PTBP1: variants seen among roughly 807,000 people sequenced by gnomAD.
The protein encoded by PTBP1 is polypyrimidine tract binding protein 1, also known as polypyrimidine tract-binding protein 1.
In PTBP1, 8 loss-of-function variants were observed where a neutral mutation model predicts 59.8. The ratio of observed to expected loss-of-function variants is 0.13; its 90% CI spans 0.08 to 0.24. The LOEUF (loss-of-function observed/expected upper bound fraction) is 0.24, where lower values mean the gene tolerates loss of function less well. PTBP1 is among the 10% of genes least tolerant of loss of function. The pLI, the probability that PTBP1 is intolerant of heterozygous loss-of-function variation, is 1.00. For synonymous variants in PTBP1, 490 were observed against 320.7 expected, an observed-to-expected ratio of 1.53 and a Z score of -5.64; for missense variants, 686 against 767.0, an observed-to-expected ratio of 0.89 and a Z score of 1.25.
chr19:807,844 C>T, intron 10 of PTBP1, 25 bp from the exon 11 acceptor site: 3 of 1,611,658 alleles, frequency 1.9e-6, no homozygotes, highest in Non-Finnish European at 2.5e-6. Flanking sequence ...TGTCCCTCCG[C>T]TGCCTTGCTC....
At position 805,187 on chromosome 19, in the gene PTBP1, G is replaced by A. The variant is rs749689496; in HGVS notation, c.892G>A (p.Gly298Ser). 5.0e-6 allele frequency: 8 copies of A among 1,612,964 alleles called. No individual in the cohort carries two copies. The highest frequency in any genetic ancestry group is 2.2e-5 in the East Asian group (1 of 44,880). ...GGACCAGACCATGGCCGCGGCCTTC[G>A]GTAAGAGGCTGCCCGACGCGGCGCC... ...SLDQTMAAAF[G>S]APGIISASPY... Residue 298 changes from glycine (G) to serine (S), a missense_variant and splice_region_variant, in exon 8 of 15, where the codon GGT (glycine) becomes AGT (serine). Gly to Ser is a moderately conservative substitution (Grantham distance 56). Transcript: ENST00000356948.
In PTBP1 at chr19:804,293, C is replaced by A; in HGVS notation, c.290C>A (p.Ala97Asp). 6.2e-7 allele frequency: 1 copy of A among 1,613,670 alleles called. No homozygotes were observed. Among genetic ancestry groups the A allele is most frequent in the Non-Finnish European group, 8.5e-7 (1 of 1,179,894 alleles). The change falls in exon 5 of 15, where the codon GCC becomes GAC. Residue 97 changes from alanine to aspartate, a missense_variant and splice_region_variant. Physicochemically the swap from Ala to Asp is moderately radical, Grantham distance 126. Coordinates refer to ENST00000356948, the MANE Select transcript of PTBP1 (RefSeq NM_002819.5). ...NLLMLKGKNQAFIEMNTEEAA... is the reference protein window; with the variant it reads ...NLLMLKGKNQDFIEMNTEEAA... ...CAGCGCTCACTGCCTCCCCAACAGG[C>A]CTTCATCGAGATGAACACGGAGGAG...
chr19:805,672 G>A (rs1352402307), intron 9 of PTBP1, 103 bp downstream of exon 9: 19 of 992,492 alleles, frequency 1.9e-5, no homozygotes, highest in Non-Finnish European at 2.6e-5. Context: ...CTGGGCACTC[G>A]AGTGCCAGGT....
At chr19:797,526 C>A in intron 1 of PTBP1, 21 bp downstream of exon 1, 1 of 1,495,242 alleles carries the variant, frequency 6.7e-7, no homozygotes, top group Non-Finnish European at 8.9e-7. Context: ...CGTCGCCCCG[C>A]GCCCCACCGC....
Position 805,079 on chromosome 19 carries a change from A to C in PTBP1, c.784A>C (p.Ser262Arg), listed in dbSNP as rs753471794. ...TLRIDFSKLT[S>R]LNVKYNNDKS... The stretch of plus-strand genomic sequence containing the variant: ...GCGCATCGACTTTTCCAAGCTCACC[A>C]GCCTCAACGTCAAGTACAACAATGA... The change falls in exon 8 of 15, where the codon AGC becomes CGC. Residue 262 changes from serine to arginine, a missense_variant. Ser to Arg is a moderately radical substitution (Grantham distance 110, BLOSUM62 -1). Transcript: ENST00000356948. The C allele has an allele frequency of 4.3e-6, 7 of 1,613,894 alleles. No homozygotes were observed. The highest frequency in any genetic ancestry group is 5.9e-6 in the Non-Finnish European group (7 of 1,179,870).
chr19:808,099 T>C lies in PTBP1; in HGVS notation c.1153+197T>C. The C allele has an allele frequency of 1.5e-6, 1 of 646,932 alleles. No homozygotes were observed. The highest frequency in any genetic ancestry group is 2.6e-4 in the Middle Eastern group (1 of 3,886). The allele number at this position is 646,932 out of a possible 1,614,324, so 40.1% of individuals were successfully genotyped here. A position where few individuals can be genotyped will look rare whatever the true frequency, so the allele number is the denominator to read the frequency against. ...GCATGGTTTATCGCCCTGCATGCTTTTCAGAGTTAGACCTGTCGGTGGCAT... is the reference window on the plus strand; with the variant it reads ...GCATGGTTTATCGCCCTGCATGCTTCTCAGAGTTAGACCTGTCGGTGGCAT... On this transcript the variant is annotated intron_variant, in intron 11 of 14. Coordinates refer to ENST00000356948, the MANE Select transcript of PTBP1 (RefSeq NM_002819.5). The surrounding 1 kb of genome is among the most constrained non-coding windows in gnomAD (Gnocchi z 4.7).
At chr19:802,596 T>C (rs1348406989) in intron 2 of PTBP1, among the ~76,000 whole-genome samples, 1 of 152,064 alleles carries the variant, frequency 6.6e-6, no homozygotes, top group Admixed American at 6.6e-5. Context: ...GGCCCTGTCC[T>C]GGGGGGCCTG....
In PTBP1 at chr19:805,566, G is replaced by C. The variant is rs1344275990; in HGVS notation, c.967G>C (p.Ala323Pro). ...FPPTFAIPQA[A>P]GLSVPNVHGA... ...TCCCACCTTTGCCATTCCTCAAGCT[G>C]CAGGTATTCAAACGCTTGGTCTTGG... is the stretch of plus-strand genomic sequence containing the variant. The change falls in exon 9 of 15, where the codon GCA becomes CCA. Residue 323 changes from alanine (A) to proline (P), a missense_variant. Transcript: ENST00000356948. 5.0e-6 allele frequency: 8 copies of C among 1,613,244 alleles called. No individual in the cohort carries two copies. In the Middle Eastern group the frequency reaches 4.9e-4, roughly 100 times the overall value.
intron 3 of PTBP1, 60 bp downstream of exon 3, chr19:803,696 A>G (rs776904036): frequency 6.9e-6 from 10 of 1,448,396 alleles, no homozygotes; most frequent in Non-Finnish European, 9.7e-6. Context: ...GAACAACGTT[A>G]CGTTCTTGTT....
rs377395434 is a variant in PTBP1 at position 804,266 on chromosome 19, C to T, written c.289-26C>T. 159 of 1,612,692 alleles carry T rather than the reference C, an allele frequency of 9.9e-5. No individual in the cohort carries two copies. The African/African-American group carries it at 1.6e-3, about 17-fold the overall frequency. On this transcript the variant is annotated intron_variant, in intron 4 of 14. Coordinates refer to ENST00000356948, the MANE Select transcript of PTBP1 (RefSeq NM_002819.5). ...ACCGTGCAGGCGGGGACGAGGAGGG[C>T]CCAGCGCTCACTGCCTCCCCAACAG... is the stretch of plus-strand genomic sequence containing the variant.
At chr19:800,836 T>G (rs1332894402) in intron 2 of PTBP1, among the ~76,000 whole-genome samples, 1 of 152,142 alleles carries the variant, frequency 6.6e-6, no homozygotes, top group African/African-American at 2.4e-5. Context: ...TCAGCTTCCA[T>G]CGGGTGGTCC....
chr19:799,397 T>G lies in PTBP1; in HGVS notation c.9-16T>G, dbSNP rs1040492772. ...GGCCACCAGGCTAACGTTGTCTCCT[T>G]TCTTTCTCTCTACAGCATTGTCCCA... On this transcript the variant is annotated splice_polypyrimidine_tract_variant and intron_variant, in intron 1 of 14. Coordinates refer to ENST00000356948, the MANE Select transcript of PTBP1 (RefSeq NM_002819.5). The G allele has an allele frequency of 1.9e-6, 3 of 1,613,564 alleles. No individual in the cohort carries two copies. The highest frequency in any genetic ancestry group is 2.7e-5 in the African/African-American group (2 of 74,944).
chr19:803,968 A>C (rs969579692), intron 3 of PTBP1, 68 bp from the exon 4 acceptor site: 2 of 1,578,688 alleles, frequency 1.3e-6, no homozygotes, highest in Non-Finnish European at 1.7e-6. Flanking sequence ...CTCTAGGGGG[A>C]TAGCAGGGAC....
chr19:804,364 C>G lies in PTBP1; in HGVS notation c.361C>G (p.Leu121Val). 1 of 1,613,184 alleles carries G rather than the reference C, an allele frequency of 6.2e-7. No homozygotes were observed. Among genetic ancestry groups the G allele is most frequent in the Non-Finnish European group, 8.5e-7 (1 of 1,179,998 alleles). The change falls in exon 5 of 15, where the codon CTG (leucine) becomes GTG (valine). Residue 121 changes from leucine to valine, a missense_variant. By Grantham distance (32) the Leu-to-Val change is conservative (BLOSUM62 1). Coordinates refer to ENST00000356948, the MANE Select transcript of PTBP1 (RefSeq NM_002819.5). The part of the protein sequence containing the change: ...VNYYTSVTPV[L>V]RGQPIYIQFS... Reference sequence around the variant, plus strand: ...CTACTACACCTCGGTGACCCCTGTGCTGCGCGGCCAGCCCATCTACATCCA... The same window carrying G: ...CTACTACACCTCGGTGACCCCTGTGGTGCGCGGCCAGCCCATCTACATCCA...
At chr19:800,528 G>A (rs1218058433) in intron 2 of PTBP1, among the ~76,000 whole-genome samples, 3 of 152,166 alleles carry the variant, frequency 2.0e-5, no homozygotes, top group South Asian at 4.1e-4. Context: ...CAGGGCTTGT[G>A]CCCCGAGAGC....
Position 810,947 on chromosome 19 carries a change from A to G in PTBP1, c.*121A>G. 1 of 1,088,426 alleles carries G rather than the reference A, an allele frequency of 9.2e-7. No individual in the cohort carries two copies. 67.4% of individuals were successfully genotyped at this position (1,088,426 alleles called of 1,614,324 possible). A position where few individuals can be genotyped will look rare whatever the true frequency, so the allele number is the denominator to read the frequency against. ...AGAGATTTTATTTTTTTAAAGAGAA[A>G]TCAGTTTACCTGTTTTTAAAAAAAT... is the stretch of plus-strand genomic sequence containing the variant. On this transcript the variant is annotated 3_prime_UTR_variant, in exon 15 of 15. Transcript: ENST00000356948.
At chr19:797,772 C>A (rs919878610) in intron 1 of PTBP1, among the ~76,000 whole-genome samples, 2 of 148,524 alleles carry the variant, frequency 1.3e-5, no homozygotes, top group East Asian at 3.9e-4. Flanking sequence ...CGCGCCCCTC[C>A]CCCTCCGCGC....
At chr19:803,895 C>T (rs151212771) in intron 3 of PTBP1, 141 bp from the exon 4 acceptor site, 229 of 1,016,738 alleles carry the variant, frequency 2.3e-4, no homozygotes, top group Non-Finnish European at 3.0e-4. Flanking sequence ...GTCTTGGCCT[C>T]TCGCGCTGCT....
At chr19:803,980 TTC>T (rs2034449172) in intron 3 of PTBP1, 54 bp from the exon 4 acceptor site, 1 of 1,601,370 alleles carries the variant, frequency 6.2e-7, no homozygotes. Flanking sequence ...AGCAGGGACC[TTC>T]CTCTGTGGGC....
Sources: allele counts gnomAD v4.1 joint callset (sites outside exome capture counted in the v4.1 genomes callset), GRCh38; gene constraint gnomAD v4.1.1; non-coding constraint Gnocchi (gnomAD v3.1); transcripts MANE v1.5; gene names NCBI Gene and HGNC (gene_info 2026-07-23, HGNC 2026-07-21).